Variants in NELL1 observed in about 807,000 individuals in gnomAD.
NELL1 encodes protein kinase C-binding protein NELL1.
A neutral mutation model predicts 107.4 loss-of-function variants in NELL1; 76 were observed. The observed-to-expected ratio is 0.71, with a 90% CI of 0.59 to 0.86. The LOEUF (loss-of-function observed/expected upper bound fraction) is 0.86, where lower values mean the gene tolerates loss of function less well. Ranked by LOEUF, NELL1 falls within the 40% of genes least tolerant of loss-of-function variation. NELL1 has a pLI of 0.00. For synonymous variants in NELL1, 353 were observed against 341.2 expected, an observed-to-expected ratio of 1.03 and a Z score of -0.38; for missense variants, 1,024 against 1,005.5, an observed-to-expected ratio of 1.02 and a Z score of -0.25.
chr11:21,006,942 A>T (rs1852340088), intron 12 of NELL1, among the ~76,000 whole-genome samples: 1 of 152,148 alleles, frequency 6.6e-6, no homozygotes, highest in Admixed American at 6.6e-5. Flanking sequence ...AGCACAAAAT[A>T]AAGATCGAAG....
intron 2 of NELL1, among the ~76,000 whole-genome samples, chr11:20,731,555 C>T (rs1855644781): frequency 1.3e-5 from 2 of 152,224 alleles, no homozygotes; most frequent in South Asian, 4.1e-4. Flanking sequence ...ACCCATGTGT[C>T]TGCATGGGCA....
At position 21,155,327 on chromosome 11, in the gene NELL1, G is replaced by A. The variant is rs145836816; in HGVS notation, c.1426+41613G>A. Among the ~76,000 whole-genome samples the A allele has an allele frequency of 2.0e-3, 308 of 152,228 alleles. 3 individuals carry two copies. The highest frequency in any genetic ancestry group is 5.1e-3 in the African/African-American group (212 of 41,546). On this transcript the variant is annotated intron_variant, in intron 13 of 19. Transcript: ENST00000357134. ...ATGTCTAAGGATTGGGTAAATGGAT[G>A]TGTCTGAAACTCTGAGGCACTGAGT...
At chr11:21,163,959 T>A (rs1856428063) in intron 13 of NELL1, among the ~76,000 whole-genome samples, 1 of 152,020 alleles carries the variant, frequency 6.6e-6, no homozygotes, top group African/African-American at 2.4e-5. Context: ...CCTAATGCAA[T>A]AAGATTGGTG....
In NELL1 at chr11:21,564,632, T is replaced by G. The variant is rs973770133; in HGVS notation, c.1980+4250T>G. Among the ~76,000 whole-genome samples, 5 of 151,600 alleles carry G rather than the reference T, an allele frequency of 3.3e-5. No individual in the cohort carries two copies. In the East Asian group the frequency reaches 9.7e-4, roughly 30 times the overall value. ...ATTTCTTGCAGTTAAAAAATGTGAG[T>G]AGCCTTCATCGTGAAAACAAAGTAA... On this transcript the variant is annotated intron_variant, in intron 17 of 19. Coordinates refer to ENST00000357134, the MANE Select transcript of NELL1 (RefSeq NM_006157.5).
chr11:21,182,856 A>G (rs1328284207), intron 13 of NELL1, among the ~76,000 whole-genome samples: 1 of 151,824 alleles, frequency 6.6e-6, no homozygotes, highest in Non-Finnish European at 1.5e-5. Flanking sequence ...GAAAACGGCA[A>G]ATGGGAACCA....
At chr11:21,542,740 AT>A (rs1044879145) in intron 16 of NELL1, among the ~76,000 whole-genome samples, 5 of 152,152 alleles carry the variant, frequency 3.3e-5, no homozygotes, top group African/African-American at 1.2e-4. Context: ...TTTTAAACCA[AT>A]TTTTTAAATG....
intron 12 of NELL1, among the ~76,000 whole-genome samples, chr11:21,043,618 A>G (rs927112549): frequency 1.3e-5 from 2 of 152,176 alleles, no homozygotes; most frequent in Non-Finnish European, 2.9e-5. Context: ...ATGTGATCCA[A>G]CGACTGGTTT....
rs34418018 is a variant in NELL1 at position 21,498,333 on chromosome 11, T to TTATATA, written c.1646-36032_1646-36027dup. Reference sequence around the variant, plus strand: ...ATTTTGCTACACATCCATAAACATATTATATATATATATACATATATATAT... The same window carrying TTATATA: ...ATTTTGCTACACATCCATAAACATATTATATATATATATATATATACATATATATAT... On this transcript the variant is annotated intron_variant, in intron 15 of 19. Coordinates refer to ENST00000357134, the MANE Select transcript of NELL1 (RefSeq NM_006157.5). Among the ~76,000 whole-genome samples the TTATATA allele has an allele frequency of 1.8e-4, 20 of 113,750 alleles. No homozygotes were observed. The East Asian group carries it at 3.3e-3, about 19-fold the overall frequency. The allele number at this position is 113,750 out of a possible 152,430, so 74.6% of individuals were successfully genotyped here. A position where few individuals can be genotyped will look rare whatever the true frequency, so the allele number is the denominator to read the frequency against.
At chr11:21,238,749 G>A (rs1219959118) in intron 14 of NELL1, among the ~76,000 whole-genome samples, 1 of 152,070 alleles carries the variant, frequency 6.6e-6, no homozygotes, top group South Asian at 2.1e-4. Flanking sequence ...AGAGGCTGTT[G>A]TAAGAGTTGT....
At chr11:21,089,102 A>C (rs1854465393) in intron 12 of NELL1, among the ~76,000 whole-genome samples, 1 of 152,166 alleles carries the variant, frequency 6.6e-6, no homozygotes, top group East Asian at 1.9e-4. Flanking sequence ...GCTGAGTGCT[A>C]TTTTAGCATA....
chr11:21,264,312 T>C (rs769909716), intron 14 of NELL1, among the ~76,000 whole-genome samples: 1 of 151,946 alleles, frequency 6.6e-6, no homozygotes, highest in Non-Finnish European at 1.5e-5. Context: ...TATGAAGTGA[T>C]TAGAATAACA....
At chr11:21,375,810 G>A (rs1851461832) in intron 15 of NELL1, among the ~76,000 whole-genome samples, 1 of 151,982 alleles carries the variant, frequency 6.6e-6, no homozygotes, top group Non-Finnish European at 1.5e-5. Context: ...TAGTAATGTT[G>A]AGCATTATTT....
chr11:20,985,652 G>A (rs948114893), intron 12 of NELL1, among the ~76,000 whole-genome samples: 125 of 152,216 alleles, frequency 8.2e-4, no homozygotes, highest in African/African-American at 3.0e-3. Context: ...TTTGGGAAGT[G>A]GGGGGAAGAA....
chr11:21,383,115 A>C (rs949351471), intron 15 of NELL1, among the ~76,000 whole-genome samples: 1 of 151,982 alleles, frequency 6.6e-6, no homozygotes, highest in Non-Finnish European at 1.5e-5. Context: ...AACTCTTATG[A>C]TTTGCATCAT....
intron 5 of NELL1, among the ~76,000 whole-genome samples, chr11:20,911,013 T>C (rs1368328389): frequency 1.3e-5 from 2 of 152,228 alleles, no homozygotes; most frequent in African/African-American, 4.8e-5. Flanking sequence ...CTGTATACTG[T>C]AGAAATGAAG....
At chr11:21,443,046 A>T (rs936227458) in intron 15 of NELL1, among the ~76,000 whole-genome samples, 1 of 151,126 alleles carries the variant, frequency 6.6e-6, no homozygotes. Context: ...TTTACAAAAA[A>T]AGGACATTTA....
intron 15 of NELL1, among the ~76,000 whole-genome samples, chr11:21,445,918 C>G (rs1853414282): frequency 6.6e-6 from 1 of 151,540 alleles, no homozygotes; most frequent in Non-Finnish European, 1.5e-5. Flanking sequence ...GTTATTATCT[C>G]TTTGAATAAA....
chr11:20,687,758 A>AT (rs961964556), intron 2 of NELL1, among the ~76,000 whole-genome samples: 47 of 151,726 alleles, frequency 3.1e-4, no homozygotes, highest in African/African-American at 9.9e-4. Context: ...CACCCAGCTA[A>AT]TTTTTTGTAT....
intron 15 of NELL1, among the ~76,000 whole-genome samples, chr11:21,487,986 A>T (rs1854683920): frequency 6.6e-6 from 1 of 152,166 alleles, no homozygotes; most frequent in Admixed American, 6.5e-5. Context: ...GAACATAACA[A>T]TTCTAAATAT....
Sources: allele counts gnomAD v4.1 joint callset (sites outside exome capture counted in the v4.1 genomes callset), GRCh38; gene constraint gnomAD v4.1.1; transcripts MANE v1.5; gene names NCBI Gene and HGNC (gene_info 2026-07-23, HGNC 2026-07-21).